UBE2E2: variants seen among roughly 807,000 people sequenced by gnomAD.
The protein encoded by UBE2E2 is ubiquitin conjugating enzyme E2 E2.
UBE2E2 carries 6 observed loss-of-function variants against 24.7 expected under a neutral mutation model. That is an observed-to-expected ratio of 0.24 (90% CI 0.13 to 0.48). UBE2E2 has a LOEUF of 0.48. Among genes scored for constraint, UBE2E2 ranks in the 20% least tolerant of loss-of-function variants. UBE2E2 has a pLI of 0.99. For synonymous variants in UBE2E2, 104 were observed against 83.6 expected, an observed-to-expected ratio of 1.24 and a Z score of -1.33; for missense variants, 169 against 245.0, an observed-to-expected ratio of 0.69 and a Z score of 2.07.
intron 4 of UBE2E2, among the ~76,000 whole-genome samples, chr3:23,526,177 G>C (rs1430885190): frequency 1.3e-5 from 2 of 152,114 alleles, no homozygotes; most frequent in African/African-American, 4.8e-5. Context: ...CAATACAAAT[G>C]TTTATGTTGG....
At chr3:23,544,928 A>G (rs1032825215) in intron 5 of UBE2E2, among the ~76,000 whole-genome samples, 1 of 152,124 alleles carries the variant, frequency 6.6e-6, no homozygotes, top group Non-Finnish European at 1.5e-5. Flanking sequence ...CACGTGAACA[A>G]AGGTCTTTGC....
chr3:23,528,568 G>C (rs1252497073), intron 4 of UBE2E2, among the ~76,000 whole-genome samples: 1 of 152,128 alleles, frequency 6.6e-6, no homozygotes, highest in Non-Finnish European at 1.5e-5. Flanking sequence ...TTCTGCATCT[G>C]CCTTAAGTCC....
chr3:23,415,256 T>G (rs1299568463), intron 3 of UBE2E2, among the ~76,000 whole-genome samples: 2 of 152,212 alleles, frequency 1.3e-5, no homozygotes, highest in Non-Finnish European at 2.9e-5. Context: ...AAAATCCTGA[T>G]TAAAGTCCTT....
intron 3 of UBE2E2, among the ~76,000 whole-genome samples, chr3:23,413,142 C>T (rs1406366534): frequency 2.6e-5 from 4 of 151,258 alleles, no homozygotes; most frequent in Non-Finnish European, 5.9e-5. Context: ...CACATGTATA[C>T]ATATGTAACA....
At chr3:23,319,823 GAACAACA>G (rs1424138066) in intron 3 of UBE2E2, among the ~76,000 whole-genome samples, 1 of 149,008 alleles carries the variant, frequency 6.7e-6, no homozygotes, top group Non-Finnish European at 1.5e-5. Context: ...TCAAAAAAAA[GAACAACA>G]AAAAACAAAA....
At chr3:23,207,944 A>G (rs1696195555) in intron 1 of UBE2E2, among the ~76,000 whole-genome samples, 1 of 152,196 alleles carries the variant, frequency 6.6e-6, no homozygotes, top group Non-Finnish European at 1.5e-5. Context: ...GAACATTTTT[A>G]TCACCGCACA....
At chr3:23,444,412 T>G (rs1698379787) in intron 3 of UBE2E2, among the ~76,000 whole-genome samples, 1 of 152,224 alleles carries the variant, frequency 6.6e-6, no homozygotes, top group Non-Finnish European at 1.5e-5. Context: ...TCTTCAAGTT[T>G]ATTGGAACTC....
chr3:23,483,477 A>T (rs566533737), intron 3 of UBE2E2, among the ~76,000 whole-genome samples: 113 of 152,338 alleles, frequency 7.4e-4, no homozygotes, highest in Non-Finnish European at 6.2e-4. Flanking sequence ...AAGAGAACTG[A>T]GGCTCAGTGG....
At chr3:23,273,804 C>T (rs1698313228) in intron 3 of UBE2E2, 1 of 152,262 alleles carries the variant, frequency 6.6e-6, no homozygotes, top group African/African-American at 2.4e-5. Context: ...AAAATATGAC[C>T]CAGGCTGGTT....
At chr3:23,535,618 C>CTTTTTTTTTT (rs67901258) in intron 5 of UBE2E2, among the ~76,000 whole-genome samples, 1 of 86,032 alleles carries the variant, frequency 1.2e-5, no homozygotes, top group Non-Finnish European at 2.1e-5. Flanking sequence ...ATAGAGCATT[C>CTTTTTTTTTT]TTTTTTTTTT....
intron 3 of UBE2E2, among the ~76,000 whole-genome samples, chr3:23,291,185 C>A (rs951146480): frequency 6.6e-6 from 1 of 151,730 alleles, no homozygotes; most frequent in South Asian, 2.1e-4. Context: ...AGATAAGGGA[C>A]TTCTAGGTAG....
chr3:23,286,776 C>G (rs1698625233), intron 3 of UBE2E2, among the ~76,000 whole-genome samples: 1 of 151,956 alleles, frequency 6.6e-6, no homozygotes. Context: ...TTCTTCCAAT[C>G]AATACTGTTT....
chr3:23,386,388 G>A (rs142365996), intron 3 of UBE2E2, among the ~76,000 whole-genome samples: 1 of 152,132 alleles, frequency 6.6e-6, no homozygotes. Flanking sequence ...CCCCACCTCC[G>A]AATGCAATCA....
chr3:23,579,522 T>TCAA (rs560733847), intron 5 of UBE2E2, among the ~76,000 whole-genome samples: 45 of 151,518 alleles, frequency 3.0e-4, no homozygotes, highest in South Asian at 1.9e-3. Context: ...AGACCCTTTC[T>TCAA]CAACAACAAC....
rs1575622625 is a variant in UBE2E2, at chr3:23,428,629, A to C, written c.228-70979A>C. On this transcript the variant is annotated intron_variant, in intron 3 of 5. Transcript: ENST00000396703. Reference sequence around the variant, plus strand: ...CTGGTTCTTTGAAAACATCAATAAAATCAATAAGCCTCCAAAAAAAGAGAG... The same window carrying C: ...CTGGTTCTTTGAAAACATCAATAAACTCAATAAGCCTCCAAAAAAAGAGAG... 2.0e-5 allele frequency among the ~76,000 whole-genome samples: 3 copies of C among 152,208 alleles called. No individual in the cohort carries two copies. In the South Asian group the frequency reaches 6.2e-4, roughly 32 times the overall value.
chr3:23,282,809 T>C (rs1410267275), intron 3 of UBE2E2, among the ~76,000 whole-genome samples: 3 of 152,078 alleles, frequency 2.0e-5, no homozygotes, highest in Non-Finnish European at 2.9e-5. Context: ...CATTCTTTTG[T>C]AGAAGCCAGA....
intron 3 of UBE2E2, among the ~76,000 whole-genome samples, chr3:23,319,836 C>CA (rs918537479): frequency 2.7e-5 from 4 of 150,808 alleles, no homozygotes; most frequent in Non-Finnish European, 5.9e-5. Flanking sequence ...CAACAAAAAA[C>CA]AAAAAACAAA....
chr3:23,331,157 A>G (rs999872240), intron 3 of UBE2E2, among the ~76,000 whole-genome samples: 2 of 152,210 alleles, frequency 1.3e-5, no homozygotes, highest in African/African-American at 4.8e-5. Context: ...TAGTGTCAGA[A>G]TACATGTTTG....
chr3:23,548,494 C>A (rs1695571581), intron 5 of UBE2E2, among the ~76,000 whole-genome samples: 1 of 152,198 alleles, frequency 6.6e-6, no homozygotes, highest in Non-Finnish European at 1.5e-5. Context: ...ATGGGAGTCA[C>A]TAAGATGGAG....
Sources: allele counts gnomAD v4.1 joint callset (sites outside exome capture counted in the v4.1 genomes callset), GRCh38; gene constraint gnomAD v4.1.1; transcripts MANE v1.5; gene names NCBI Gene and HGNC (gene_info 2026-07-23, HGNC 2026-07-21).